The following LRMDA variants were observed in gnomAD, a reference collection of about 807,000 sequenced individuals.
The protein encoded by LRMDA is leucine rich melanocyte differentiation associated.
LRMDA carries 18 observed loss-of-function variants against 29.8 expected under a neutral mutation model. The observed-to-expected ratio is 0.60, with a 90% confidence interval of 0.42 to 0.90. The LOEUF (loss-of-function observed/expected upper bound fraction) is 0.90. Ranked by LOEUF, LRMDA falls within the 40% of genes least tolerant of loss-of-function variation. LRMDA has a pLI of 0.00. For missense variants in LRMDA, 273 were observed against 273.9 expected (o/e 1.00, Z 0.02); for synonymous variants, 125 against 109.4 (o/e 1.14, Z -0.89).
chr10:75,959,248 C>T (rs1173371126), intron 2 of LRMDA, among the ~76,000 whole-genome samples: 1 of 152,166 alleles, frequency 6.6e-6, no homozygotes, highest in African/African-American at 2.4e-5. Flanking sequence ...GATGCCAGGA[C>T]CAGGTCCCTG....
At chr10:76,393,150 A>G (rs1446855698) in intron 6 of LRMDA, among the ~76,000 whole-genome samples, 2 of 152,132 alleles carry the variant, frequency 1.3e-5, no homozygotes, top group East Asian at 3.9e-4. Flanking sequence ...AGGAGTGCAG[A>G]TATCTCTCCT....
chr10:76,186,213 T>C (rs537640457), intron 5 of LRMDA, among the ~76,000 whole-genome samples: 40 of 152,324 alleles, frequency 2.6e-4, no homozygotes, highest in African/African-American at 7.7e-4. Context: ...CTCACAGCAA[T>C]GTGCCAGATG....
At chr10:76,274,484 T>C (rs1317980302) in intron 5 of LRMDA, among the ~76,000 whole-genome samples, 4 of 152,154 alleles carry the variant, frequency 2.6e-5, no homozygotes, top group African/African-American at 9.7e-5. Context: ...AAAGTGGATA[T>C]TGTATGCATC....
intron 2 of LRMDA, among the ~76,000 whole-genome samples, chr10:75,697,015 T>G (rs1178536349): frequency 1.3e-5 from 2 of 152,200 alleles, no homozygotes; most frequent in African/African-American, 4.8e-5. Context: ...ATTCACTTGA[T>G]TCTTATTTCC....
At chr10:76,109,511 G>T (rs2117794) in intron 5 of LRMDA, among the ~76,000 whole-genome samples, 1 of 151,918 alleles carries the variant, frequency 6.6e-6, no homozygotes, top group Non-Finnish European at 1.5e-5. Context: ...TTCCCATCAG[G>T]TTTTGAGAAC....
At chr10:75,877,391 A>G (rs1016368577) in intron 2 of LRMDA, among the ~76,000 whole-genome samples, 4 of 152,214 alleles carry the variant, frequency 2.6e-5, no homozygotes, top group Admixed American at 6.5e-5. Context: ...CAGAGCTGAC[A>G]TAGTCTCTCA....
chr10:75,825,070 A>G (rs965149917), intron 2 of LRMDA, among the ~76,000 whole-genome samples: 2 of 152,164 alleles, frequency 1.3e-5, no homozygotes, highest in African/African-American at 2.4e-5. Flanking sequence ...AATGGAGAAG[A>G]CTGGAAAGGA....
chr10:76,028,241 A>G (rs1036009701), intron 2 of LRMDA, among the ~76,000 whole-genome samples: 2 of 152,082 alleles, frequency 1.3e-5, no homozygotes, highest in Non-Finnish European at 2.9e-5. Context: ...TTTCTCCCAT[A>G]TTTTTATTAT....
At chr10:76,316,344 C>CACT (rs547309094) in intron 5 of LRMDA, among the ~76,000 whole-genome samples, 2 of 152,058 alleles carry the variant, frequency 1.3e-5, no homozygotes, top group South Asian at 2.1e-4. Context: ...CCTATACTGG[C>CACT]ACTTGGAGCT....
chr10:76,250,629 G>A (rs933720049), intron 5 of LRMDA, among the ~76,000 whole-genome samples: 1 of 152,122 alleles, frequency 6.6e-6, no homozygotes, highest in African/African-American at 2.4e-5. Flanking sequence ...TTCTCCATTG[G>A]ACATTCTTTC....
chr10:75,915,095 C>T (rs1447956398), intron 2 of LRMDA, among the ~76,000 whole-genome samples: 3 of 143,720 alleles, frequency 2.1e-5, no homozygotes, highest in African/African-American at 7.8e-5. Flanking sequence ...CTGAAGAGGC[C>T]TTAGAAATTC....
chr10:76,041,494 T>C (rs1004452116), intron 3 of LRMDA, among the ~76,000 whole-genome samples: 3 of 152,220 alleles, frequency 2.0e-5, no homozygotes, highest in Non-Finnish European at 4.4e-5. Context: ...TATGTCATTA[T>C]GCTGTATATT....
intron 2 of LRMDA, chr10:75,451,837 G>A (rs1844465641): frequency 6.6e-6 from 1 of 150,794 alleles, no homozygotes; most frequent in Non-Finnish European, 1.5e-5. Flanking sequence ...GCTACGTCTT[G>A]AGGAGTTATA....
intron 6 of LRMDA, among the ~76,000 whole-genome samples, chr10:76,457,071 A>G (rs1471918224): frequency 6.6e-6 from 1 of 152,182 alleles, no homozygotes; most frequent in Non-Finnish European, 1.5e-5. Context: ...ATTGTCTCCA[A>G]GAACTGTCAT....
intron 5 of LRMDA, among the ~76,000 whole-genome samples, chr10:76,202,485 A>T (rs1851451369): frequency 6.6e-6 from 1 of 152,060 alleles, no homozygotes; most frequent in African/African-American, 2.4e-5. Context: ...TTCCCTTTAG[A>T]AATGCATGCA....
At chr10:75,525,506 A>G (rs1341963663) in intron 2 of LRMDA, among the ~76,000 whole-genome samples, 2 of 152,174 alleles carry the variant, frequency 1.3e-5, no homozygotes, top group African/African-American at 4.8e-5. Context: ...TGGCTAATGC[A>G]AACAGCTTAA....
chr10:76,447,279 T>C (rs547081538), intron 6 of LRMDA, among the ~76,000 whole-genome samples: 25 of 152,304 alleles, frequency 1.6e-4, no homozygotes, highest in African/African-American at 5.5e-4. Context: ...CATAGTGCTT[T>C]CTTATTCAAA....
intron 5 of LRMDA, among the ~76,000 whole-genome samples, chr10:76,129,761 T>TAC (rs1308306696): frequency 2.0e-5 from 3 of 152,056 alleles, no homozygotes; most frequent in Non-Finnish European, 4.4e-5. Flanking sequence ...TGTATATACC[T>TAC]ACACACACAC....
chr10:76,406,880 C>A (rs1290783720), intron 6 of LRMDA, among the ~76,000 whole-genome samples: 3 of 152,104 alleles, frequency 2.0e-5, no homozygotes, highest in African/African-American at 7.2e-5. Context: ...AGAAAAACTT[C>A]AAAGTTTTAA....
Sources: gnomAD v4.1 joint callset for allele counts (sites outside exome capture counted in the v4.1 genomes callset) on GRCh38, gnomAD v4.1.1 for gene constraint, MANE v1.5 for transcripts, NCBI Gene and HGNC (gene_info 2026-07-23, HGNC 2026-07-21) for gene names.